Variants in HIRA observed in about 807,000 individuals in gnomAD.
The protein encoded by HIRA is protein HIRA.
In HIRA, 13 loss-of-function variants were observed where a neutral mutation model predicts 126.6. That is an observed-to-expected ratio of 0.10 (90% confidence interval 0.07 to 0.16). The LOEUF (loss-of-function observed/expected upper bound fraction) is 0.16, where lower values mean the gene tolerates loss of function less well. Ranked by LOEUF, HIRA falls within the 10% of genes least tolerant of loss-of-function variation. The probability of loss-of-function intolerance (pLI) is 1.00; values close to 1 mark genes in which losing one functional copy is unlikely to be tolerated. For missense variants in HIRA, 834 were observed against 1,314.4 expected (o/e 0.63, Z 5.65); for synonymous variants, 511 against 520.0 (o/e 0.98, Z 0.24).
chr22:19,389,075 T>C (rs953759280), intron 9 of HIRA, among the ~76,000 whole-genome samples: 2 of 152,210 alleles, frequency 1.3e-5, no homozygotes, highest in African/African-American at 4.8e-5. Flanking sequence ...GCCCTTAATC[T>C]GGGCCTAGTT....
chr22:19,402,529 A>G (rs1022486564), intron 5 of HIRA, among the ~76,000 whole-genome samples: 3 of 152,254 alleles, frequency 2.0e-5, no homozygotes, highest in African/African-American at 7.2e-5. Context: ...TGAGGCCAAT[A>G]TAAAGACTCA....
chr22:19,407,146 C>T, intron 4 of HIRA, 38 bp downstream of exon 4: 1 of 1,537,896 alleles, frequency 6.5e-7, no homozygotes, highest in Non-Finnish European at 9.0e-7. Context: ...AAAGCAGCTT[C>T]TAAAAATAAA....
At chr22:19,412,333 C>A (rs5748189) in intron 1 of HIRA, among the ~76,000 whole-genome samples, 20,022 of 152,180 alleles carry the variant, frequency 0.13, 2,712 homozygotes, top group African/African-American at 0.34. Context: ...GCCATCCCAG[C>A]AGATTCCATA....
intron 11 of HIRA, among the ~76,000 whole-genome samples, chr22:19,387,326 C>G (rs2089136144): frequency 6.6e-6 from 1 of 152,324 alleles, no homozygotes; most frequent in East Asian, 1.9e-4. Context: ...ATTCCCAGAG[C>G]CTGGCAGACA....
intron 14 of HIRA, 125 bp downstream of exon 14, chr22:19,377,744 T>G: frequency 1.2e-6 from 1 of 851,990 alleles, no homozygotes; most frequent in Admixed American, 2.6e-5. Context: ...AATCACGCAT[T>G]TTTTTCTTTC....
At chr22:19,386,429 A>C (rs1213321373) in intron 11 of HIRA, among the ~76,000 whole-genome samples, 1 of 152,258 alleles carries the variant, frequency 6.6e-6, no homozygotes, top group Non-Finnish European at 1.5e-5. Context: ...TGGGATGTGC[A>C]AATGTCCAAT....
intron 24 of HIRA, among the ~76,000 whole-genome samples, chr22:19,337,733 A>G (rs536830206): frequency 3.9e-5 from 6 of 152,306 alleles, no homozygotes; most frequent in Non-Finnish European, 7.3e-5. Context: ...AGTCAAGACA[A>G]AGGAAAGAAT....
At chr22:19,375,850 T>C (rs900953311) in intron 14 of HIRA, 58 bp from the exon 15 acceptor site, 72 of 1,566,682 alleles carry the variant, frequency 4.6e-5, no homozygotes, top group Non-Finnish European at 6.0e-5. Flanking sequence ...TCTGGAGGTC[T>C]AGTATTTGCA....
chr22:19,353,254 T>A, intron 23 of HIRA, 102 bp downstream of exon 23: 1 of 1,421,324 alleles, frequency 7.0e-7, no homozygotes, highest in Non-Finnish European at 9.8e-7. Flanking sequence ...TAGAGGCTGC[T>A]GGGCCATCAC....
At chr22:19,339,914 T>C (rs564792880) in intron 24 of HIRA, among the ~76,000 whole-genome samples, 2 of 152,222 alleles carry the variant, frequency 1.3e-5, no homozygotes, top group African/African-American at 2.4e-5. Flanking sequence ...TGGGACCAGA[T>C]GGATTCACAG....
chr22:19,410,528 G>A (rs1346451670), intron 2 of HIRA, among the ~76,000 whole-genome samples, 188 bp downstream of exon 2: 1 of 152,184 alleles, frequency 6.6e-6, no homozygotes, highest in Non-Finnish European at 1.5e-5. Flanking sequence ...CTTACAGAGA[G>A]CACACTAAAG....
At chr22:19,389,871 A>C (rs552346963) in intron 9 of HIRA, among the ~76,000 whole-genome samples, 78 of 152,168 alleles carry the variant, frequency 5.1e-4, no homozygotes, top group African/African-American at 1.5e-3. Context: ...AAAAAAAAAA[A>C]AAAAATCACA....
chr22:19,361,358 C>T lies in HIRA; in HGVS notation c.1981-17G>A, dbSNP rs765826797. On this transcript the variant is annotated splice_polypyrimidine_tract_variant and intron_variant, in intron 16 of 24. Coordinates refer to ENST00000263208, the MANE Select transcript of HIRA (RefSeq NM_003325.4). Reference sequence around the variant, plus strand: ...AGCTGGAGACTGGAAGAGCCAGAAACGTTCCTGAGCCTTGCTCTAACACTA... The same window carrying T: ...AGCTGGAGACTGGAAGAGCCAGAAATGTTCCTGAGCCTTGCTCTAACACTA... 13 of 1,606,356 alleles carry T rather than the reference C, an allele frequency of 8.1e-6. No homozygotes were observed. The highest frequency in any genetic ancestry group is 1.7e-4 in the Middle Eastern group (1 of 6,054).
intron 11 of HIRA, among the ~76,000 whole-genome samples, chr22:19,386,280 C>G (rs992001045): frequency 2.6e-5 from 4 of 152,156 alleles, no homozygotes; most frequent in African/African-American, 9.7e-5. Context: ...CCTAGTATGT[C>G]ATCATACTCC....
chr22:19,419,172 T>C (rs965377758), intron 1 of HIRA, among the ~76,000 whole-genome samples: 1 of 152,206 alleles, frequency 6.6e-6, no homozygotes, highest in Non-Finnish European at 1.5e-5. Flanking sequence ...GCTGACTGCC[T>C]TCTAGACACC....
At chr22:19,361,577 C>G (rs921237830) in intron 16 of HIRA, 150 bp downstream of exon 16, 3 of 817,576 alleles carry the variant, frequency 3.7e-6, no homozygotes, top group Non-Finnish European at 6.0e-6. Context: ...GAGAGCGTGG[C>G]CTCCATGCTA....
intron 9 of HIRA, among the ~76,000 whole-genome samples, chr22:19,390,039 C>G (rs2089163924): frequency 6.6e-6 from 1 of 151,472 alleles, no homozygotes; most frequent in South Asian, 2.1e-4. Context: ...CTTTATCAAA[C>G]TTTAAATATA....
intron 12 of HIRA, among the ~76,000 whole-genome samples, chr22:19,384,125 C>T (rs1474237158): frequency 6.6e-6 from 1 of 152,000 alleles, no homozygotes; most frequent in Admixed American, 6.5e-5. Context: ...CGAGACCATT[C>T]TGGCCAACAT....
At chr22:19,422,211 TAC>T (rs761396547) in intron 1 of HIRA, among the ~76,000 whole-genome samples, 1 of 91,660 alleles carries the variant, frequency 1.1e-5, no homozygotes, top group African/African-American at 2.9e-5. Flanking sequence ...TATATATATA[TAC>T]ATATATATAT....
Sources: allele counts gnomAD v4.1 joint callset (sites outside exome capture counted in the v4.1 genomes callset), GRCh38; gene constraint gnomAD v4.1.1; transcripts MANE v1.5; gene names NCBI Gene and HGNC (gene_info 2026-07-23, HGNC 2026-07-21).